Variants in MARCHF4 observed in about 807,000 individuals in gnomAD.
MARCHF4 encodes E3 ubiquitin-protein ligase MARCHF4.
MARCHF4 carries 14 observed loss-of-function variants against 43.9 expected under a neutral mutation model. That is an observed-to-expected ratio of 0.32 (90% CI 0.21 to 0.50). MARCHF4 has a LOEUF of 0.50. Among genes scored for constraint, MARCHF4 ranks in the 20% least tolerant of loss-of-function variants. The pLI is 0.98. For synonymous variants in MARCHF4, 226 were observed against 213.3 expected, an observed-to-expected ratio of 1.06 and a Z score of -0.52; for missense variants, 468 against 536.7, an observed-to-expected ratio of 0.87 and a Z score of 1.27.
At chr2:216,269,322 C>T (rs1314239360) in intron 3 of MARCHF4, among the ~76,000 whole-genome samples, 1 of 152,022 alleles carries the variant, frequency 6.6e-6, no homozygotes. Context: ...CAGAGAATAC[C>T]CCATTTGTTT....
chr2:216,359,848 C>T (rs1054487243), intron 1 of MARCHF4, among the ~76,000 whole-genome samples: 2 of 152,192 alleles, frequency 1.3e-5, no homozygotes, highest in African/African-American at 4.8e-5. Context: ...TTCTTCATAG[C>T]AGATCTTGCT....
intron 1 of MARCHF4, among the ~76,000 whole-genome samples, chr2:216,302,044 A>G (rs1178422814): frequency 6.6e-6 from 1 of 152,176 alleles, no homozygotes; most frequent in Non-Finnish European, 1.5e-5. Flanking sequence ...CAACAAAAAA[A>G]CGCAAGCAAA....
chr2:216,264,385 T>A (rs901868615), intron 3 of MARCHF4, among the ~76,000 whole-genome samples: 4 of 152,170 alleles, frequency 2.6e-5, no homozygotes, highest in African/African-American at 9.7e-5. Context: ...AGAGACTTCT[T>A]TTCTGTCCCA....
intron 3 of MARCHF4, among the ~76,000 whole-genome samples, chr2:216,260,301 C>A (rs1349216260): frequency 6.6e-6 from 1 of 152,224 alleles, no homozygotes; most frequent in East Asian, 1.9e-4. Flanking sequence ...CGGCAGGACA[C>A]CCTCTGAGAG....
intron 1 of MARCHF4, among the ~76,000 whole-genome samples, chr2:216,297,615 G>A (rs1281681562): frequency 1.3e-5 from 2 of 152,226 alleles, no homozygotes; most frequent in African/African-American, 4.8e-5. Flanking sequence ...CTGGGTTCAA[G>A]CAATTCTTTT....
chr2:216,301,510 T>C (rs1180281933), intron 1 of MARCHF4, among the ~76,000 whole-genome samples: 1 of 152,196 alleles, frequency 6.6e-6, no homozygotes, highest in Admixed American at 6.5e-5. Context: ...CATTTGTCCA[T>C]CTGTATGGTT....
chr2:216,315,931 A>G (rs1691768234), intron 1 of MARCHF4, among the ~76,000 whole-genome samples: 1 of 152,182 alleles, frequency 6.6e-6, no homozygotes, highest in Admixed American at 6.5e-5. Context: ...TCCTGGGAGC[A>G]GGTCTGTCTG....
At chr2:216,316,267 G>C (rs1691774215) in intron 1 of MARCHF4, among the ~76,000 whole-genome samples, 1 of 152,186 alleles carries the variant, frequency 6.6e-6, no homozygotes, top group African/African-American at 2.4e-5. Flanking sequence ...ATAGCTCTCT[G>C]TGCTTCCCGG....
intron 1 of MARCHF4, among the ~76,000 whole-genome samples, chr2:216,362,232 A>G (rs1692593226): frequency 6.6e-6 from 1 of 152,218 alleles, no homozygotes; most frequent in African/African-American, 2.4e-5. Context: ...ATGAGGTTGG[A>G]TGAGATTGCA....
intron 1 of MARCHF4, among the ~76,000 whole-genome samples, chr2:216,365,782 A>G (rs1458445997): frequency 1.3e-5 from 2 of 152,074 alleles, no homozygotes; most frequent in Non-Finnish European, 2.9e-5. Flanking sequence ...ACTCAGCCTC[A>G]CTGTCTGTGT....
At chr2:216,317,975 A>G (rs1304352141) in intron 1 of MARCHF4, 1 of 152,226 alleles carries the variant, frequency 6.6e-6, no homozygotes, top group Non-Finnish European at 1.5e-5. Context: ...GGAAAACAAG[A>G]GTTCTTCCAA....
At chr2:216,263,924 G>T (rs1235289575) in intron 3 of MARCHF4, among the ~76,000 whole-genome samples, 1 of 152,166 alleles carries the variant, frequency 6.6e-6, no homozygotes, top group African/African-American at 2.4e-5. Flanking sequence ...AGAGAGTGAG[G>T]CTGCCAGGAG....
At chr2:216,338,505 G>T (rs1692191047) in intron 1 of MARCHF4, among the ~76,000 whole-genome samples, 1 of 152,156 alleles carries the variant, frequency 6.6e-6, no homozygotes, top group South Asian at 2.1e-4. Context: ...CTTCCTCAGT[G>T]GTCGCAGTTC....
intron 3 of MARCHF4, among the ~76,000 whole-genome samples, chr2:216,262,443 C>A (rs1173228341): frequency 2.0e-5 from 3 of 152,096 alleles, no homozygotes; most frequent in Non-Finnish European, 4.4e-5. Context: ...CAGGCTGGAC[C>A]ATGGAGCCCA....
At chr2:216,299,462 C>T (rs1691453483) in intron 1 of MARCHF4, among the ~76,000 whole-genome samples, 1 of 152,164 alleles carries the variant, frequency 6.6e-6, no homozygotes, top group South Asian at 2.1e-4. Flanking sequence ...TGCCCACCAC[C>T]ACCCTCTGTA....
At position 216,294,628 on chromosome 2, in the gene MARCHF4, G is replaced by A. The variant is rs559454531; in HGVS notation, c.517-10899C>T. On this transcript the variant is annotated intron_variant, in intron 1 of 3. Coordinates refer to ENST00000273067, the MANE Select transcript of MARCHF4 (RefSeq NM_020814.3). ...TCTTGGTTCTCAGAGTTTGGCATGT[G>A]TAAGAATCACCTGGGAGGCTTGTTA... 2.0e-5 allele frequency among the ~76,000 whole-genome samples: 3 copies of A among 152,292 alleles called. No homozygotes were observed. In the South Asian group the frequency reaches 6.2e-4, roughly 32 times the overall value.
chr2:216,259,801 G>C, intron 3 of MARCHF4, 122 bp from the exon 4 acceptor site: 1 of 977,678 alleles, frequency 1.0e-6, no homozygotes, highest in Non-Finnish European at 1.5e-6. Context: ...TGAGCCATGG[G>C]AGGACCATCC....
intron 3 of MARCHF4, among the ~76,000 whole-genome samples, chr2:216,268,174 G>C (rs17822162): frequency 0.14 from 21,663 of 152,204 alleles, 1,621 homozygotes; most frequent in South Asian, 0.25. Flanking sequence ...GCATCTCAGT[G>C]TGGAGGTGAC....
intron 1 of MARCHF4, among the ~76,000 whole-genome samples, chr2:216,316,674 AC>A (rs1691783292): frequency 6.6e-6 from 1 of 152,284 alleles, no homozygotes; most frequent in Admixed American, 6.5e-5. Flanking sequence ...GTGTCAAGGT[AC>A]TAAGTAAAAA....
Sources: gnomAD v4.1 joint callset for allele counts (sites outside exome capture counted in the v4.1 genomes callset) on GRCh38, gnomAD v4.1.1 for gene constraint, MANE v1.5 for transcripts, NCBI Gene and HGNC (gene_info 2026-07-23, HGNC 2026-07-21) for gene names.